The following RYK variants were observed in gnomAD, a reference collection of about 807,000 sequenced individuals.
RYK encodes the protein inactive tyrosine-protein kinase RYK.
Under a neutral mutation model 70.2 loss-of-function variants are expected in RYK, and 21 were observed. The ratio of observed to expected loss-of-function variants is 0.30; its 90% CI spans 0.21 to 0.43. The LOEUF (loss-of-function observed/expected upper bound fraction) is 0.43. RYK is among the 20% of genes least tolerant of loss of function. RYK has a pLI of 1.00. For synonymous variants in RYK, 267 were observed against 278.0 expected (o/e 0.96, Z 0.39); for missense variants, 604 against 753.3 (o/e 0.80, Z 2.32).
intron 10 of RYK, 116 bp from the exon 11 acceptor site, chr3:134,178,189 TTACCATTA>T: frequency 1.3e-6 from 1 of 748,194 alleles, no homozygotes. Flanking sequence ...AAAAACATGA[TTACCATTA>T]AAAATGTAAA....
intron 13 of RYK, among the ~76,000 whole-genome samples, chr3:134,172,026 T>C (rs1205026451): frequency 1.3e-5 from 2 of 152,216 alleles, no homozygotes; most frequent in Non-Finnish European, 2.9e-5. Flanking sequence ...GAAATACTTA[T>C]AGATTATCAT....
chr3:134,203,361 G>GTCTTGGTTCTTTCTT (rs2107675425), intron 5 of RYK, among the ~76,000 whole-genome samples: 1 of 152,232 alleles, frequency 6.6e-6, no homozygotes, highest in South Asian at 2.1e-4. Flanking sequence ...TACCAAAAGA[G>GTCTTGGTTCTTTCTT]TTGGTTCTAA....
At chr3:134,249,951 G>T (rs1239017221) in intron 1 of RYK, among the ~76,000 whole-genome samples, 6 of 110,066 alleles carry the variant, frequency 5.5e-5, no homozygotes, top group African/African-American at 3.2e-4. Context: ...TTTGTAAAAG[G>T]GTAAGCACAG....
chr3:134,199,924 G>A (rs1304658396), intron 6 of RYK, among the ~76,000 whole-genome samples: 1 of 29,804 alleles, frequency 3.4e-5, no homozygotes, highest in Non-Finnish European at 1.3e-4. Context: ...TAGCTAATCA[G>A]GTAGGGGACT....
At chr3:134,205,976 C>T (rs780383608) in intron 5 of RYK, among the ~76,000 whole-genome samples, 19 of 152,156 alleles carry the variant, frequency 1.2e-4, no homozygotes, top group Non-Finnish European at 1.9e-4. Context: ...AAGGAAGACA[C>T]AGACAGAGGC....
In RYK at chr3:134,207,446, G is replaced by A. The variant is rs115559149; in HGVS notation, c.643+26C>T. 5.3e-4 allele frequency: 761 copies of A among 1,448,774 alleles called. 1 individual carries two copies. In the African/African-American group the frequency reaches 9.5e-3, roughly 18 times the overall value. 89.7% of individuals were successfully genotyped at this position (1,448,774 alleles called of 1,614,324 possible). ...CAACCATTTTTCATTTCTAATAATG[G>A]ATAAAGATAATACAGTAACACTTAC... On this transcript the variant is annotated intron_variant, in intron 5 of 14. Transcript: ENST00000623711.
At chr3:134,195,878 G>C (rs995596732) in intron 6 of RYK, among the ~76,000 whole-genome samples, 3 of 151,936 alleles carry the variant, frequency 2.0e-5, no homozygotes, top group Admixed American at 2.0e-4. Context: ...TCTGGGAGGT[G>C]GAGTTTGCAG....
At chr3:134,200,102 A>T (rs2013951856) in intron 6 of RYK, among the ~76,000 whole-genome samples, 1 of 152,026 alleles carries the variant, frequency 6.6e-6, no homozygotes, top group Non-Finnish European at 1.5e-5. Flanking sequence ...GGGCCAAATA[A>T]GGGAAAAAAA....
chr3:134,240,320 A>C (rs1484141903), intron 1 of RYK, among the ~76,000 whole-genome samples: 2 of 152,210 alleles, frequency 1.3e-5, no homozygotes, highest in Non-Finnish European at 2.9e-5. Flanking sequence ...ATTGGCTATG[A>C]GTTGAGAACT....
In RYK at chr3:134,246,095, T is replaced by C. The variant is rs192291996; in HGVS notation, c.232+4328A>G. ...TACACACATCAGAGATAAGTAAAGA[T>C]AATACATCCATAAAATAAGATGCAA... On this transcript the variant is annotated intron_variant, in intron 1 of 14. Transcript: ENST00000623711. 2.2e-3 allele frequency among the ~76,000 whole-genome samples: 335 copies of C among 151,780 alleles called. 4 individuals carry two copies. The highest frequency in any genetic ancestry group is 1.0e-3 in the Non-Finnish European group (70 of 67,866).
chr3:134,227,509 C>T (rs966912084), intron 1 of RYK, among the ~76,000 whole-genome samples: 1 of 150,466 alleles, frequency 6.6e-6, no homozygotes, highest in Non-Finnish European at 1.5e-5. Context: ...TTTCAACAAG[C>T]GATGTAAAGC....
intron 2 of RYK, among the ~76,000 whole-genome samples, chr3:134,214,571 C>T (rs945410425): frequency 6.6e-6 from 1 of 152,224 alleles, no homozygotes; most frequent in African/African-American, 2.4e-5. Flanking sequence ...GCAGCTCTAG[C>T]ATCCTGACCA....
intron 1 of RYK, among the ~76,000 whole-genome samples, chr3:134,230,876 G>T (rs1408344414): frequency 2.6e-5 from 4 of 152,122 alleles, no homozygotes; most frequent in Non-Finnish European, 5.9e-5. Flanking sequence ...ACACTCAATG[G>T]TTTTTACCTC....
chr3:134,222,112 T>C (rs973314548), intron 2 of RYK, among the ~76,000 whole-genome samples: 3 of 152,192 alleles, frequency 2.0e-5, no homozygotes, highest in Non-Finnish European at 4.4e-5. Context: ...AGCACAGGCA[T>C]TATTGGGTCC....
chr3:134,250,124 G>A (rs2015572776), intron 1 of RYK, among the ~76,000 whole-genome samples: 1 of 152,088 alleles, frequency 6.6e-6, no homozygotes. Flanking sequence ...AAGGGTGACT[G>A]ACTCTTCTAG....
intron 6 of RYK, among the ~76,000 whole-genome samples, chr3:134,197,286 G>A (rs2013847354): frequency 6.6e-6 from 1 of 152,162 alleles, no homozygotes; most frequent in Non-Finnish European, 1.5e-5. Flanking sequence ...ATAGAAAAGA[G>A]ATGAAGAGCA....
At chr3:134,168,643 A>G (rs1458803695) in intron 13 of RYK, among the ~76,000 whole-genome samples, 1 of 144,708 alleles carries the variant, frequency 6.9e-6, no homozygotes, top group African/African-American at 2.5e-5. Flanking sequence ...TGGGGGAGGG[A>G]TAGCATTAGG....
chr3:134,185,555 T>C (rs1441384792), intron 9 of RYK, among the ~76,000 whole-genome samples: 1 of 152,254 alleles, frequency 6.6e-6, no homozygotes, highest in African/African-American at 2.4e-5. Context: ...TTCATATCAA[T>C]GTCTGCTGGA....
chr3:134,178,150 T>TAAAAC, intron 10 of RYK, 77 bp from the exon 11 acceptor site: 1 of 1,058,150 alleles, frequency 9.5e-7, no homozygotes, highest in Non-Finnish European at 1.4e-6. Context: ...AAAAATAATC[T>TAAAAC]AAAACAAAAC....
Sources: gnomAD v4.1 joint callset for allele counts (sites outside exome capture counted in the v4.1 genomes callset) on GRCh38, gnomAD v4.1.1 for gene constraint, MANE v1.5 for transcripts, NCBI Gene and HGNC (gene_info 2026-07-23, HGNC 2026-07-21) for gene names.